The following SOX5 variants were observed in gnomAD, a reference collection of about 807,000 sequenced individuals.
SOX5 encodes the protein SRY-box transcription factor 5.
A neutral mutation model predicts 92.0 loss-of-function variants in SOX5; 9 were observed. That is an observed-to-expected ratio of 0.10 (90% confidence interval 0.06 to 0.17). The LOEUF is 0.17. Among genes scored for constraint, SOX5 ranks in the 10% least tolerant of loss-of-function variants. The pLI is 1.00. For missense variants in SOX5, 642 were observed against 944.5 expected (o/e 0.68, Z 4.20); for synonymous variants, 344 against 336.3 (o/e 1.02, Z -0.25).
Position 23,530,818 on chromosome 12 carries a change from T to TGTGTGTGTGTGTGTGTGTGCGCGCGCGC in SOX5, c.*3400_*3401insGCGCGCGCGCACACACACACACACACAC. The TGTGTGTGTGTGTGTGTGTGCGCGCGCGC allele has an allele frequency of 2.3e-3, 306 of 132,026 alleles. 1 individual carries two copies. Among genetic ancestry groups the TGTGTGTGTGTGTGTGTGTGCGCGCGCGC allele is most frequent in the Middle Eastern group, 4.7e-3 (1 of 212 alleles). The allele number at this position is 132,026 out of a possible 1,614,324, so 8.2% of individuals were successfully genotyped here. On this transcript the variant is annotated 3_prime_UTR_variant, in exon 15 of 15. Transcript: ENST00000451604. The stretch of plus-strand genomic sequence containing the variant: ...GGGCAAGTGTGTGTGTGTGTGTGTG[T>TGTGTGTGTGTGTGTGTGTGCGCGCGCGC]GCGCGCGCGCGCGCGCGCATGTGAG...
At chr12:23,735,238 A>G (rs1489046269) in intron 5 of SOX5, among the ~76,000 whole-genome samples, 6 of 152,072 alleles carry the variant, frequency 3.9e-5, no homozygotes, top group Non-Finnish European at 7.4e-5. Context: ...TGCCTCTCAC[A>G]AGCCCCTTAC....
chr12:23,943,596 A>G (rs1477423964), intron 1 of SOX5, among the ~76,000 whole-genome samples: 1 of 152,138 alleles, frequency 6.6e-6, no homozygotes, highest in African/African-American at 2.4e-5. Flanking sequence ...CACATACTAC[A>G]AAAATGCTGA....
chr12:24,533,505 T>C (rs1016713054), intron 1 of SOX5, among the ~76,000 whole-genome samples: 1 of 152,132 alleles, frequency 6.6e-6, no homozygotes, highest in Admixed American at 6.6e-5. Context: ...TGAGGTAAGA[T>C]ATGAGAGGGA....
At chr12:23,578,305 A>C (rs895222097) in intron 9 of SOX5, among the ~76,000 whole-genome samples, 3 of 149,656 alleles carry the variant, frequency 2.0e-5, no homozygotes, top group Non-Finnish European at 3.0e-5. Flanking sequence ...CATGTGGCTC[A>C]CAGACTAGCA....
At chr12:23,661,015 A>G (rs1437930779) in intron 7 of SOX5, among the ~76,000 whole-genome samples, 1 of 152,166 alleles carries the variant, frequency 6.6e-6, no homozygotes, top group Non-Finnish European at 1.5e-5. Context: ...CACATGTCAA[A>G]ATGTTCTTGG....
At chr12:24,148,503 A>AAG (rs1276614612) in intron 4 of SOX5, among the ~76,000 whole-genome samples, 8 of 95,500 alleles carry the variant, frequency 8.4e-5, no homozygotes, top group Non-Finnish European at 1.5e-4. Context: ...AAAAAAAAAA[A>AAG]AGAGAGAGAG....
intron 4 of SOX5, among the ~76,000 whole-genome samples, chr12:24,071,030 T>G (rs1941694074): frequency 6.6e-6 from 1 of 152,230 alleles, no homozygotes; most frequent in South Asian, 2.1e-4. Flanking sequence ...TATCTTATTT[T>G]AAACTCACTT....
chr12:23,654,765 C>T (rs2082105385), intron 7 of SOX5, among the ~76,000 whole-genome samples: 1 of 151,944 alleles, frequency 6.6e-6, no homozygotes, highest in South Asian at 2.1e-4. Context: ...ACATTTGAAA[C>T]TTTTTATAAG....
At chr12:23,939,227 A>G (rs1282536798) in intron 1 of SOX5, among the ~76,000 whole-genome samples, 1 of 151,132 alleles carries the variant, frequency 6.6e-6, no homozygotes, top group African/African-American at 2.4e-5. Context: ...TATATAGCTA[A>G]ATGCTGGATT....
At chr12:24,235,991 A>C (rs767399756) in intron 3 of SOX5, among the ~76,000 whole-genome samples, 3 of 152,078 alleles carry the variant, frequency 2.0e-5, no homozygotes, top group Non-Finnish European at 2.9e-5. Context: ...AAATCAAGAC[A>C]ATCCTGGTTA....
At chr12:24,530,699 T>C (rs1046496585) in intron 1 of SOX5, among the ~76,000 whole-genome samples, 2 of 147,798 alleles carry the variant, frequency 1.4e-5, no homozygotes, top group Admixed American at 6.8e-5. Flanking sequence ...GTATCTAATA[T>C]GCAACTGCAC....
At chr12:24,077,162 C>A (rs1942728068) in intron 4 of SOX5, among the ~76,000 whole-genome samples, 1 of 152,108 alleles carries the variant, frequency 6.6e-6, no homozygotes, top group African/African-American at 2.4e-5. Flanking sequence ...CTGTATCAAT[C>A]ATGAAGATTG....
intron 1 of SOX5, among the ~76,000 whole-genome samples, chr12:24,448,098 C>T (rs748556165): frequency 2.7e-4 from 41 of 152,102 alleles, no homozygotes; most frequent in Non-Finnish European, 5.3e-4. Context: ...AGGAGAATTG[C>T]TTGAACCCGA....
intron 4 of SOX5, among the ~76,000 whole-genome samples, chr12:24,091,757 C>G (rs1024896373): frequency 2.6e-5 from 4 of 152,132 alleles, no homozygotes; most frequent in African/African-American, 9.7e-5. Flanking sequence ...AATCATTAAG[C>G]TTTGATATCA....
chr12:23,580,113 T>G (rs1949834000), intron 9 of SOX5, among the ~76,000 whole-genome samples: 1 of 152,056 alleles, frequency 6.6e-6, no homozygotes, highest in Non-Finnish European at 1.5e-5. Flanking sequence ...TAATTTACAT[T>G]TATAGGGTTC....
chr12:23,559,366 G>A (rs1392509128), intron 11 of SOX5, among the ~76,000 whole-genome samples: 2 of 152,120 alleles, frequency 1.3e-5, no homozygotes, highest in Non-Finnish European at 2.9e-5. Flanking sequence ...TATACAATCA[G>A]TCTACAATTA....
intron 3 of SOX5, among the ~76,000 whole-genome samples, chr12:23,784,007 A>T (rs1045268309): frequency 2.0e-5 from 3 of 152,162 alleles, no homozygotes; most frequent in African/African-American, 7.2e-5. Flanking sequence ...TCTTAACAAA[A>T]CTCAATCAGA....
chr12:24,208,731 A>T (rs1958278208), intron 4 of SOX5, among the ~76,000 whole-genome samples: 1 of 152,226 alleles, frequency 6.6e-6, no homozygotes, highest in Non-Finnish European at 1.5e-5. Flanking sequence ...AAAGCACTTT[A>T]AATAGTGTGT....
Position 23,964,073 on chromosome 12 carries a change from G to A in SOX5, c.-1-68049C>T, listed in dbSNP as rs139410132. On this transcript the variant is annotated intron_variant, in intron 4 of 4. Coordinates refer to the SOX5 transcript ENST00000446891. ...ATTTGTGTTTGTGTGGAAAAGGTGG[G>A]AATAGTGTTCCACCAAACCTCTCTC... Among the ~76,000 whole-genome samples, 752 of 151,960 alleles carry A rather than the reference G, an allele frequency of 4.9e-3. 1 individual carries two copies. Among genetic ancestry groups the A allele is most frequent in the Non-Finnish European group, 8.7e-3 (594 of 67,970 alleles).
Sources: gnomAD v4.1 joint callset for allele counts (sites outside exome capture counted in the v4.1 genomes callset) on GRCh38, gnomAD v4.1.1 for gene constraint, MANE v1.5 for transcripts, NCBI Gene and HGNC (gene_info 2026-07-23, HGNC 2026-07-21) for gene names.